SGSM3: variants seen among roughly 807,000 people sequenced by gnomAD.
SGSM3 encodes RUN and SH3 containing 3.
SGSM3 carries 96 observed loss-of-function variants against 100.5 expected under a neutral mutation model. That is an observed-to-expected ratio of 0.96 (90% CI 0.81 to 1.13). The LOEUF (loss-of-function observed/expected upper bound fraction) is 1.13, where lower values mean the gene tolerates loss of function less well. Among genes scored for constraint, SGSM3 ranks in the 50% most tolerant of loss-of-function variants. The probability of loss-of-function intolerance (pLI) is 0.00; values close to 1 mark genes in which losing one functional copy is unlikely to be tolerated. For synonymous variants in SGSM3, 483 were observed against 422.8 expected (o/e 1.14, Z -1.75); for missense variants, 1,001 against 1,015.8 (o/e 0.99, Z 0.20).
Position 40,407,733 on chromosome 22 carries a change from G to A in SGSM3, c.1525-56G>A. The A allele has an allele frequency of 1.3e-6, 2 of 1,598,140 alleles. No individual in the cohort carries two copies. Among genetic ancestry groups the A allele is most frequent in the South Asian group, 1.1e-5 (1 of 90,752 alleles). On this transcript the variant is annotated intron_variant, in intron 13 of 21. Coordinates refer to ENST00000248929, the MANE Select transcript of SGSM3 (RefSeq NM_015705.6). This position sits in a 1 kb window ranked among gnomAD's most constrained non-coding sequence, Gnocchi z 4.7. Reference sequence around the variant, plus strand: ...CTGAGGAGTCATATCGGGGGTGCAGGAGGCGCTGGCCCAGGGCACCCAGCT... The same window carrying A: ...CTGAGGAGTCATATCGGGGGTGCAGAAGGCGCTGGCCCAGGGCACCCAGCT...
At chr22:40,382,053 C>A (rs2047659391) in intron 1 of SGSM3, among the ~76,000 whole-genome samples, 1 of 152,034 alleles carries the variant, frequency 6.6e-6, no homozygotes, top group South Asian at 2.1e-4. Context: ...GTTCACTGTC[C>A]TGTCTAGGAT....
intron 1 of SGSM3, among the ~76,000 whole-genome samples, chr22:40,384,861 A>AT (rs1294834707): frequency 6.6e-6 from 1 of 152,222 alleles, no homozygotes; most frequent in Non-Finnish European, 1.5e-5. Flanking sequence ...GAAATAATCT[A>AT]TGTTGTCATG....
intron 1 of SGSM3, among the ~76,000 whole-genome samples, chr22:40,384,834 T>C (rs916507784): frequency 3.3e-5 from 5 of 152,212 alleles, no homozygotes; most frequent in Non-Finnish European, 7.3e-5. Context: ...CAAATGAAGC[T>C]ATCCAACAAT....
intron 4 of SGSM3, among the ~76,000 whole-genome samples, chr22:40,403,898 T>C (rs2051090163): frequency 6.6e-6 from 1 of 152,008 alleles, no homozygotes; most frequent in Admixed American, 6.6e-5. Context: ...AGGAATCCTG[T>C]GGGTTTGCTG....
At chr22:40,397,029 A>G (rs1315181890) in intron 1 of SGSM3, among the ~76,000 whole-genome samples, 1 of 152,182 alleles carries the variant, frequency 6.6e-6, no homozygotes, top group Non-Finnish European at 1.5e-5. Context: ...CTGTGACAAC[A>G]GGAGGGCAGC....
At chr22:40,391,892 G>A (rs2049396145) in intron 1 of SGSM3, among the ~76,000 whole-genome samples, 1 of 152,200 alleles carries the variant, frequency 6.6e-6, no homozygotes, top group Admixed American at 6.5e-5. Flanking sequence ...AGCTCTGGCT[G>A]GGCCTGGGAA....
At chr22:40,403,337 T>C (rs1602048620) in intron 4 of SGSM3, among the ~76,000 whole-genome samples, 1 of 152,180 alleles carries the variant, frequency 6.6e-6, no homozygotes, top group South Asian at 2.1e-4. Flanking sequence ...ACAGGAGAGC[T>C]TGACCTCATT....
At chr22:40,402,486 T>TC (rs2050883506) in intron 4 of SGSM3, among the ~76,000 whole-genome samples, 1 of 152,198 alleles carries the variant, frequency 6.6e-6, no homozygotes, top group African/African-American at 2.4e-5. Flanking sequence ...ACGCCTGTAA[T>TC]CCCAGCACTT....
chr22:40,405,497 C>A, intron 7 of SGSM3, 152 bp from the exon 8 acceptor site: 1 of 865,952 alleles, frequency 1.2e-6, no homozygotes, highest in Non-Finnish European at 1.8e-6. Context: ...GAAAGTGAGG[C>A]AGGCCAAGGA....
Position 40,378,835 on chromosome 22 carries a change from T to C in SGSM3, c.-112+8147T>C, listed in dbSNP as rs373379799. 1.4e-4 allele frequency among the ~76,000 whole-genome samples: 22 copies of C among 152,322 alleles called. No homozygotes were observed. In the South Asian group the frequency reaches 1.7e-3, roughly 11 times the overall value. On this transcript the variant is annotated intron_variant, in intron 1 of 21. Transcript: ENST00000248929. ...CGTGATTCTCTGATTGAAATCTAAA[T>C]CTGCAGACTCCGAGACCTAGAGTTC... is the stretch of plus-strand genomic sequence containing the variant.
chr22:40,387,908 T>C (rs1404635008), intron 1 of SGSM3, among the ~76,000 whole-genome samples: 1 of 152,220 alleles, frequency 6.6e-6, no homozygotes, highest in South Asian at 2.1e-4. Flanking sequence ...CTGGTACTCC[T>C]GTGCAGGAAG....
intron 19 of SGSM3, 57 bp downstream of exon 19, chr22:40,409,075 A>G: frequency 6.4e-7 from 1 of 1,551,884 alleles, no homozygotes. Flanking sequence ...CCAGCCCAGC[A>G]TCAGGGGGGG....
chr22:40,397,115 G>A (rs1299088906), intron 1 of SGSM3, among the ~76,000 whole-genome samples: 3 of 152,166 alleles, frequency 2.0e-5, no homozygotes, highest in Non-Finnish European at 2.9e-5. Flanking sequence ...TTTCCATAGC[G>A]ACCAGAGGCA....
intron 1 of SGSM3, chr22:40,388,251 TC>T (rs2048786669): frequency 6.6e-6 from 1 of 152,172 alleles, no homozygotes; most frequent in South Asian, 2.1e-4. Context: ...ATATAAATGA[TC>T]AACAAAAATT....
At chr22:40,376,291 C>CTGCT (rs1165469031) in intron 1 of SGSM3, 4 of 136,516 alleles carry the variant, frequency 2.9e-5, no homozygotes, top group African/African-American at 1.1e-4. Context: ...CCTTGCTTGT[C>CTGCT]TGCTTGCTTG....
chr22:40,370,853 C>T (rs1471223530), intron 1 of SGSM3, among the ~76,000 whole-genome samples, 165 bp downstream of exon 1: 1 of 152,166 alleles, frequency 6.6e-6, no homozygotes, highest in Non-Finnish European at 1.5e-5. Context: ...CCGGGCCGAC[C>T]TTGCTCGCGT....
chr22:40,405,364 G>T, intron 7 of SGSM3, 80 bp downstream of exon 7: 2 of 1,332,748 alleles, frequency 1.5e-6, no homozygotes, highest in Non-Finnish European at 2.0e-6. Context: ...TCCCGCTACG[G>T]GGCAGTAGCC....
At chr22:40,405,424 G>A (rs1015163177) in intron 7 of SGSM3, 140 bp downstream of exon 7, 22 of 934,082 alleles carry the variant, frequency 2.4e-5, no homozygotes, top group Non-Finnish European at 3.4e-5. Context: ...CCACTCCGGG[G>A]CGTCCCCAAG....
chr22:40,405,875 T>G (rs1405310950), intron 8 of SGSM3, 31 bp downstream of exon 8: 2 of 1,590,762 alleles, frequency 1.3e-6, no homozygotes, highest in Non-Finnish European at 1.7e-6. Context: ...TGGCTCCCAT[T>G]CTGCAGCTTG....
Sources: allele counts gnomAD v4.1 joint callset (sites outside exome capture counted in the v4.1 genomes callset), GRCh38; gene constraint gnomAD v4.1.1; non-coding constraint Gnocchi (gnomAD v3.1); transcripts MANE v1.5; gene names NCBI Gene and HGNC (gene_info 2026-07-23, HGNC 2026-07-21).